R3HDM1: variants seen among roughly 807,000 people sequenced by gnomAD.
R3HDM1 encodes R3H domain-containing protein 1.
A neutral mutation model predicts 141.1 loss-of-function variants in R3HDM1; 46 were observed. The observed-to-expected ratio is 0.33, with a 90% confidence interval of 0.26 to 0.42. The LOEUF is 0.42. Ranked by LOEUF, R3HDM1 falls within the 10% of genes least tolerant of loss-of-function variation. R3HDM1 has a pLI of 1.00. For missense variants in R3HDM1, 1,184 were observed against 1,368.3 expected (o/e 0.87, Z 2.12); for synonymous variants, 435 against 472.9 (o/e 0.92, Z 1.04).
chr2:135,588,313 T>C (rs142604380), intron 1 of R3HDM1, among the ~76,000 whole-genome samples: 8 of 152,206 alleles, frequency 5.3e-5, no homozygotes, highest in Non-Finnish European at 1.2e-4. Flanking sequence ...TGTCTCTGTG[T>C]GTCTCCCTGG....
chr2:135,654,123 A>T (rs916885986), intron 18 of R3HDM1, among the ~76,000 whole-genome samples: 1 of 152,042 alleles, frequency 6.6e-6, no homozygotes, highest in African/African-American at 2.4e-5. Flanking sequence ...GGCAGTTGCT[A>T]CTTGTTCCTC....
chr2:135,692,284 C>T (rs952910214), intron 21 of R3HDM1, among the ~76,000 whole-genome samples: 1 of 151,484 alleles, frequency 6.6e-6, no homozygotes, highest in Non-Finnish European at 1.5e-5. Flanking sequence ...ATCTTTTATT[C>T]TGCAATTCGC....
intron 21 of R3HDM1, among the ~76,000 whole-genome samples, chr2:135,696,221 G>C (rs1029583659): frequency 6.6e-6 from 1 of 152,038 alleles, no homozygotes; most frequent in African/African-American, 2.4e-5. Flanking sequence ...AAAGAAAAAG[G>C]CCAAAAAATA....
intron 1 of R3HDM1, among the ~76,000 whole-genome samples, chr2:135,550,399 A>G (rs540731573): frequency 7.2e-4 from 109 of 152,354 alleles, no homozygotes; most frequent in African/African-American, 2.4e-3. Flanking sequence ...CAATGGTAAA[A>G]TAGGTGGCAG....
intron 19 of R3HDM1, chr2:135,667,636 A>G (rs1041748877): frequency 1.0e-6 from 1 of 975,896 alleles, no homozygotes; most frequent in African/African-American, 1.8e-5. Flanking sequence ...TTTATGTGGT[A>G]GCCAAGTTGG....
At chr2:135,554,267 A>G (rs1023816481) in intron 1 of R3HDM1, among the ~76,000 whole-genome samples, 4 of 152,222 alleles carry the variant, frequency 2.6e-5, no homozygotes, top group South Asian at 2.1e-4. Flanking sequence ...GTAATCATAT[A>G]GTATGTGGTC....
At chr2:135,613,456 T>C (rs1195436275) in intron 3 of R3HDM1, among the ~76,000 whole-genome samples, 2 of 152,190 alleles carry the variant, frequency 1.3e-5, no homozygotes, top group East Asian at 3.8e-4. Flanking sequence ...GCTCACTTGA[T>C]TGAATCAGAC....
At chr2:135,573,855 C>G (rs114064789) in intron 1 of R3HDM1, among the ~76,000 whole-genome samples, 1 of 152,014 alleles carries the variant, frequency 6.6e-6, no homozygotes, top group African/African-American at 2.4e-5. Flanking sequence ...AAATAGGAAT[C>G]TTGTAAAACA....
chr2:135,638,900 A>G lies in R3HDM1; in HGVS notation c.997A>G (p.Asn333Asp), dbSNP rs778669281. The G allele has an allele frequency of 1.2e-6, 2 of 1,613,832 alleles. No homozygotes were observed. Among genetic ancestry groups the G allele is most frequent in the South Asian group, 1.1e-5 (1 of 91,042 alleles). The change falls in exon 14 of 27, where the codon AAT becomes GAT. Residue 333 changes from asparagine to aspartate, a missense_variant. Asn to Asp is a conservative substitution (Grantham distance 23). Around this residue, in one of 5 missense-constraint regions of R3HDM1, gnomAD observed 240 missense variants for 312.3 expected, o/e 0.77. Coordinates refer to ENST00000683871, the MANE Select transcript of R3HDM1 (RefSeq NM_001378107.1). ...GGTTTTATTTCTAAATTACAGAGTTAATAAAGATGCTTCAGGGAGATCTAC... is the reference window on the plus strand; with the variant it reads ...GGTTTTATTTCTAAATTACAGAGTTGATAAAGATGCTTCAGGGAGATCTAC... ...TQQRRQIFRV[N>D]KDASGRSTNS...
At chr2:135,699,142 G>T (rs1451061268) in intron 21 of R3HDM1, among the ~76,000 whole-genome samples, 1 of 150,858 alleles carries the variant, frequency 6.6e-6, no homozygotes, top group African/African-American at 2.4e-5. Flanking sequence ...AAAATCATTC[G>T]AAGAGAGGCC....
At chr2:135,565,315 GA>G (rs557922201) in intron 1 of R3HDM1, among the ~76,000 whole-genome samples, 4 of 143,304 alleles carry the variant, frequency 2.8e-5, no homozygotes, top group South Asian at 2.3e-4. Context: ...CCTTGCCAAT[GA>G]AAAAAAATTA....
intron 21 of R3HDM1, among the ~76,000 whole-genome samples, chr2:135,685,329 A>G (rs905793598): frequency 1.1e-4 from 17 of 151,962 alleles, no homozygotes; most frequent in African/African-American, 3.9e-4. Context: ...TTATTCATAT[A>G]CTAACACAGA....
intron 1 of R3HDM1, among the ~76,000 whole-genome samples, chr2:135,585,820 A>G (rs1157837749): frequency 6.6e-6 from 1 of 152,230 alleles, no homozygotes; most frequent in Non-Finnish European, 1.5e-5. Context: ...TCTTGCCAGA[A>G]TAAGCAAGCT....
chr2:135,714,751 A>G (rs1197712915), intron 23 of R3HDM1, among the ~76,000 whole-genome samples: 1 of 130,264 alleles, frequency 7.7e-6, no homozygotes, highest in South Asian at 2.5e-4. Context: ...ATATATGTAT[A>G]TATATGGGTG....
intron 1 of R3HDM1, among the ~76,000 whole-genome samples, chr2:135,590,895 T>G (rs1574131281): frequency 6.6e-6 from 1 of 152,146 alleles, no homozygotes; most frequent in East Asian, 1.9e-4. Context: ...AAATCAAACG[T>G]TTTCTAGCCT....
intron 5 of R3HDM1, among the ~76,000 whole-genome samples, chr2:135,617,170 C>T (rs1227069337): frequency 6.6e-6 from 1 of 151,682 alleles, no homozygotes; most frequent in Non-Finnish European, 1.5e-5. Flanking sequence ...AAAAAAAATA[C>T]AAAAAAATTA....
At chr2:135,685,347 C>A (rs1001483537) in intron 21 of R3HDM1, among the ~76,000 whole-genome samples, 3 of 151,974 alleles carry the variant, frequency 2.0e-5, no homozygotes, top group Admixed American at 2.0e-4. Context: ...AGATATGGTA[C>A]GGCAACATGA....
intron 1 of R3HDM1, among the ~76,000 whole-genome samples, chr2:135,577,778 C>T (rs1574007731): frequency 6.9e-6 from 1 of 145,758 alleles, no homozygotes; most frequent in South Asian, 2.1e-4. Flanking sequence ...GCAGAGGTTA[C>T]GACGAGCCAA....
At chr2:135,595,265 C>T (rs1381803503) in intron 1 of R3HDM1, among the ~76,000 whole-genome samples, 1 of 152,220 alleles carries the variant, frequency 6.6e-6, no homozygotes, top group African/African-American at 2.4e-5. Flanking sequence ...CCTGCACCTT[C>T]AGTGTGTCCT....
Sources: allele counts gnomAD v4.1 joint callset (sites outside exome capture counted in the v4.1 genomes callset), GRCh38; gene constraint gnomAD v4.1.1; regional missense constraint gnomAD v4.1.1; transcripts MANE v1.5; gene names NCBI Gene and HGNC (gene_info 2026-07-23, HGNC 2026-07-21).